The following RAB1A variants were observed in gnomAD, a reference collection of about 807,000 sequenced individuals.
RAB1A encodes the protein ras-related protein Rab-1A.
A neutral mutation model predicts 26.0 loss-of-function variants in RAB1A; 2 were observed. The ratio of observed to expected loss-of-function variants is 0.08; its 90% CI spans 0.03 to 0.24. The LOEUF is 0.24. RAB1A is among the 10% of genes least tolerant of loss of function. The pLI is 1.00. For synonymous variants in RAB1A, 84 were observed against 84.9 expected (o/e 0.99, Z 0.06); for missense variants, 100 against 247.0 (o/e 0.40, Z 3.99).
chr2:65,127,152 T>C (rs78096017), intron 1 of RAB1A, among the ~76,000 whole-genome samples: 3,620 of 151,888 alleles, frequency 0.024, 150 homozygotes, highest in African/African-American at 0.083. Context: ...CCCTTTGAGG[T>C]CATTAGTCTT....
At chr2:65,110,633 C>T (rs1669673494) in intron 1 of RAB1A, among the ~76,000 whole-genome samples, 1 of 152,016 alleles carries the variant, frequency 6.6e-6, no homozygotes, top group Admixed American at 6.6e-5. Flanking sequence ...AGTAGCACTA[C>T]ATTAATAATT....
At chr2:65,093,568 T>C (rs951622254) in intron 3 of RAB1A, among the ~76,000 whole-genome samples, 1 of 151,604 alleles carries the variant, frequency 6.6e-6, no homozygotes, top group Non-Finnish European at 1.5e-5. Context: ...ACTTGAAGGA[T>C]TACTGAAGCC....
chr2:65,119,516 G>A (rs1005577871), intron 1 of RAB1A, among the ~76,000 whole-genome samples: 2 of 148,070 alleles, frequency 1.4e-5, no homozygotes, highest in African/African-American at 5.0e-5. Flanking sequence ...ACCCGAAATC[G>A]AGCCACCACA....
rs1419922982 is a variant in RAB1A at position 65,129,876 on chromosome 2, T to C, written c.23+17A>G. The stretch of plus-strand genomic sequence containing the variant: ...CTGGCCCACGGACCCAGCCGACCGG[T>C]GCTCTCCTGAACTCACTATTCGGGA... On this transcript the variant is annotated intron_variant, in intron 1 of 5. Transcript: ENST00000409784. 1.3e-6 allele frequency: 2 copies of C among 1,592,920 alleles called. No homozygotes were observed. Among genetic ancestry groups the C allele is most frequent in the South Asian group, 1.1e-5 (1 of 87,592 alleles).
chr2:65,089,004 T>C lies in RAB1A; in HGVS notation c.355A>G (p.Lys119Glu). ...TCACATTTGTTCCCTACCAACAATTTGTTGACATTTTCACTGGCATAACGA... is the reference window on the plus strand; with the variant it reads ...TCACATTTGTTCCCTACCAACAATTCGTTGACATTTTCACTGGCATAACGA... The part of the protein sequence containing the change: ...IDRYASENVN[K>E]LLVGNKCDLT... Residue 119 changes from lysine to glutamate, a missense_variant, in exon 5 of 6, where the codon AAA (lysine) becomes GAA (glutamate). Coordinates refer to ENST00000409784, the MANE Select transcript of RAB1A (RefSeq NM_004161.5). The C allele has an allele frequency of 1.2e-6, 2 of 1,610,570 alleles. No individual in the cohort carries two copies. The highest frequency in any genetic ancestry group is 1.3e-5 in the African/African-American group (1 of 75,042).
chr2:65,092,317 G>A (rs1669189480), intron 3 of RAB1A, among the ~76,000 whole-genome samples: 1 of 151,826 alleles, frequency 6.6e-6, no homozygotes, highest in South Asian at 2.1e-4. Context: ...TGTATCCTTG[G>A]AGGAAGCATG....
chr2:65,125,333 T>A (rs943827306), intron 1 of RAB1A, among the ~76,000 whole-genome samples: 1 of 152,032 alleles, frequency 6.6e-6, no homozygotes, highest in African/African-American at 2.4e-5. Context: ...TCAAAATTAT[T>A]TTCTTGACAC....
intron 4 of RAB1A, 85 bp downstream of exon 4, chr2:65,090,898 A>G (rs951950337): frequency 4.6e-5 from 38 of 831,844 alleles, no homozygotes; most frequent in Non-Finnish European, 6.0e-5. Context: ...GATGGCTTAT[A>G]TATGAAGTAG....
chr2:65,099,148 C>G (rs141096095), intron 2 of RAB1A, among the ~76,000 whole-genome samples: 88 of 151,806 alleles, frequency 5.8e-4, no homozygotes, highest in African/African-American at 2.1e-3. Context: ...ATTTTATTGG[C>G]TGAATAATAT....
intron 5 of RAB1A, 79 bp from the exon 6 acceptor site, chr2:65,088,769 G>A (rs1420185): frequency 0.64 from 880,143 of 1,365,090 alleles, 287,922 homozygotes; most frequent in East Asian, 0.68. Context: ...ATCCATAATG[G>A]AGCGTGAGGA....
intron 1 of RAB1A, among the ~76,000 whole-genome samples, chr2:65,111,441 T>C (rs1669691515): frequency 6.6e-6 from 1 of 150,738 alleles, no homozygotes; most frequent in African/African-American, 2.4e-5. Flanking sequence ...CTATCAGCAC[T>C]CTTCAAACTT....
intron 5 of RAB1A, 58 bp from the exon 6 acceptor site, chr2:65,088,748 G>A: frequency 2.1e-6 from 3 of 1,411,052 alleles, no homozygotes; most frequent in Non-Finnish European, 2.9e-6. Context: ...AATTCTTAGT[G>A]CATTTCTACC....
chr2:65,104,891 TAAC>T (rs1669517240), intron 1 of RAB1A, 85 bp from the exon 2 acceptor site: 2 of 1,113,142 alleles, frequency 1.8e-6, no homozygotes, highest in Non-Finnish European at 2.8e-6. Flanking sequence ...CAGCTACAAA[TAAC>T]AACTCACTGT....
chr2:65,104,831 G>C, intron 1 of RAB1A, 25 bp from the exon 2 acceptor site: 1 of 1,567,682 alleles, frequency 6.4e-7, no homozygotes, highest in Non-Finnish European at 8.8e-7. Flanking sequence ...AGAAAATGAT[G>C]TTAATAAAAA....
At chr2:65,090,042 T>TAC (rs1348718952) in intron 4 of RAB1A, among the ~76,000 whole-genome samples, 3 of 152,246 alleles carry the variant, frequency 2.0e-5, no homozygotes, top group Non-Finnish European at 4.4e-5. Flanking sequence ...TAAGATGACC[T>TAC]ACTGTTACTA....
At chr2:65,089,865 G>T (rs1236050895) in intron 4 of RAB1A, among the ~76,000 whole-genome samples, 1 of 152,082 alleles carries the variant, frequency 6.6e-6, no homozygotes, top group African/African-American at 2.4e-5. Flanking sequence ...CCCACGCCTG[G>T]CTAATTTTTG....
At chr2:65,111,946 G>T (rs1669707961) in intron 1 of RAB1A, among the ~76,000 whole-genome samples, 1 of 151,876 alleles carries the variant, frequency 6.6e-6, no homozygotes, top group African/African-American at 2.4e-5. Context: ...AGCCGGGCGT[G>T]GTGGCACGCA....
chr2:65,117,705 C>A (rs1669856672), intron 1 of RAB1A, among the ~76,000 whole-genome samples: 1 of 151,064 alleles, frequency 6.6e-6, no homozygotes, highest in Non-Finnish European at 1.5e-5. Context: ...TAGCTGGGAC[C>A]ACAGGCGCGT....
At position 65,129,941 on chromosome 2, in the gene RAB1A, C is replaced by G; in HGVS notation, c.-26G>C. The G allele has an allele frequency of 6.3e-7, 1 of 1,582,166 alleles. No individual in the cohort carries two copies. Among genetic ancestry groups the G allele is most frequent in the Non-Finnish European group, 8.6e-7 (1 of 1,165,844 alleles). ...GTCACTGCAGCTGCCGCCGCCGCCA[C>G]CGCCGCCCTTGCTGCCGCAGCCGCC... On this transcript the variant is annotated 5_prime_UTR_variant, in exon 1 of 6. Coordinates refer to ENST00000409784, the MANE Select transcript of RAB1A (RefSeq NM_004161.5).
Sources: gnomAD v4.1 joint callset for allele counts (sites outside exome capture counted in the v4.1 genomes callset) on GRCh38, gnomAD v4.1.1 for gene constraint, MANE v1.5 for transcripts, NCBI Gene and HGNC (gene_info 2026-07-23, HGNC 2026-07-21) for gene names.